The following RP1 variants were observed in gnomAD, a reference collection of about 807,000 sequenced individuals.
RP1 encodes RP1 axonemal microtubule associated, also known as oxygen-regulated protein 1.
Under a neutral mutation model 14.8 loss-of-function variants are expected in RP1, and 16 were observed. The observed-to-expected ratio is 1.08, with a 90% CI of 0.73 to 1.65. The LOEUF (loss-of-function observed/expected upper bound fraction) is 1.65. Ranked by LOEUF, RP1 falls within the 40% of genes most tolerant of loss-of-function variation. RP1 has a pLI of 0.00. For synonymous variants in RP1, 876 were observed against 883.6 expected, an observed-to-expected ratio of 0.99 and a Z score of 0.15; for missense variants, 2,631 against 2,535.0, an observed-to-expected ratio of 1.04 and a Z score of -0.81.
chr8:54,870,095 T>C (rs2129331212), exon 29 of RP1: 2 of 395,772 alleles, frequency 5.1e-6, no homozygotes, highest in Non-Finnish European at 8.8e-6. Context: ...ACTTCCAAAA[T>C]TGGGAGGATG....
At chr8:54,746,187 G>A (rs910490155) in intron 19 of RP1, among the ~76,000 whole-genome samples, 13 of 152,110 alleles carry the variant, frequency 8.5e-5, no homozygotes, top group Non-Finnish European at 1.3e-4. Context: ...GGGGGAAGCC[G>A]TTGTTTCTAA....
intron 1 of RP1, among the ~76,000 whole-genome samples, chr8:54,569,269 A>C (rs761425896): frequency 6.6e-6 from 1 of 152,236 alleles, no homozygotes; most frequent in Non-Finnish European, 1.5e-5. Context: ...AGGCCTTCTC[A>C]GTGAATTGGT....
chr8:54,686,453 G>A (rs1807565258), intron 12 of RP1, among the ~76,000 whole-genome samples: 1 of 151,166 alleles, frequency 6.6e-6, no homozygotes, highest in African/African-American at 2.4e-5. Context: ...TGTGAATTTA[G>A]TTTTTTCCAT....
At chr8:54,675,501 G>A (rs985083365) in intron 8 of RP1, among the ~76,000 whole-genome samples, 2 of 152,132 alleles carry the variant, frequency 1.3e-5, no homozygotes, top group African/African-American at 4.8e-5. Flanking sequence ...TTTGTAGATA[G>A]GGAAGCACTT....
chr8:54,720,166 AGAACTT>A, exon 16 of RP1: 3 of 1,535,244 alleles, frequency 2.0e-6, no homozygotes, highest in Non-Finnish European at 2.6e-6. Flanking sequence ...AAAATTAAGA[AGAACTT>A]GAAGAATGCA....
chr8:54,602,287 T>C (rs999603844), intron 1 of RP1, among the ~76,000 whole-genome samples: 22 of 152,108 alleles, frequency 1.4e-4, no homozygotes, highest in Non-Finnish European at 2.6e-4. Flanking sequence ...ACATGCGGTG[T>C]TTGGTTTTTT....
intron 24 of RP1, among the ~76,000 whole-genome samples, chr8:54,791,757 CA>C (rs773437271): frequency 2.0e-5 from 3 of 151,652 alleles, no homozygotes; most frequent in Non-Finnish European, 2.9e-5. Flanking sequence ...AATACCAACA[CA>C]AAAGTCATCA....
At chr8:54,849,560 G>A (rs1812010278) in intron 25 of RP1, among the ~76,000 whole-genome samples, 1 of 152,150 alleles carries the variant, frequency 6.6e-6, no homozygotes, top group Non-Finnish European at 1.5e-5. Flanking sequence ...CAGGGATTAA[G>A]GATACTATTT....
intron 24 of RP1, among the ~76,000 whole-genome samples, chr8:54,825,426 A>T (rs1330627535): frequency 6.6e-6 from 1 of 152,220 alleles, no homozygotes; most frequent in Admixed American, 6.5e-5. Context: ...TTGTGTCTTT[A>T]GACATAAAAA....
chr8:54,830,464 A>G (rs10958431), intron 24 of RP1, among the ~76,000 whole-genome samples: 45,277 of 151,796 alleles, frequency 0.3, 7,026 homozygotes, highest in South Asian at 0.37. Flanking sequence ...TTCTAGTGAC[A>G]TTTCTATTCT....
intron 19 of RP1, among the ~76,000 whole-genome samples, chr8:54,745,197 T>A (rs200087754): frequency 6.6e-6 from 1 of 152,188 alleles, no homozygotes; most frequent in Non-Finnish European, 1.5e-5. Flanking sequence ...ATCCATTAAG[T>A]TGTCATTGTA....
At chr8:54,634,670 C>G (rs939009971), downstream of RP1, among the ~76,000 whole-genome samples, 27 of 152,092 alleles carry the variant, frequency 1.8e-4, no homozygotes, top group African/African-American at 6.5e-4. Flanking sequence ...GAAAATTAAG[C>G]AACAAAACAG....
intron 24 of RP1, among the ~76,000 whole-genome samples, chr8:54,805,982 A>C (rs1810841474): frequency 6.6e-6 from 1 of 151,732 alleles, no homozygotes; most frequent in African/African-American, 2.4e-5. Context: ...GAAGGTAATA[A>C]ATTTATTGTC....
chr8:54,841,285 C>T (rs922512189), intron 25 of RP1, among the ~76,000 whole-genome samples: 1 of 152,128 alleles, frequency 6.6e-6, no homozygotes, highest in African/African-American at 2.4e-5. Flanking sequence ...CTCTAGCTGA[C>T]CATGGGAAAA....
intron 12 of RP1, chr8:54,696,830 C>A: frequency 1.3e-6 from 1 of 742,950 alleles, no homozygotes; most frequent in East Asian, 2.5e-5. Context: ...ATTTCCAAAT[C>A]TGAAGTCTGT....
At chr8:54,598,085 G>A (rs1326336582) in intron 1 of RP1, among the ~76,000 whole-genome samples, 1 of 151,982 alleles carries the variant, frequency 6.6e-6, no homozygotes, top group Non-Finnish European at 1.5e-5. Context: ...GACATTTTGA[G>A]AATATTATAT....
At chr8:54,792,460 C>T (rs756450208) in intron 24 of RP1, among the ~76,000 whole-genome samples, 3 of 151,696 alleles carry the variant, frequency 2.0e-5, no homozygotes, top group East Asian at 1.9e-4. Context: ...TGTTAGGACA[C>T]AAAACAAGTC....
At chr8:54,744,934 G>A (rs1287368595) in intron 19 of RP1, among the ~76,000 whole-genome samples, 4 of 152,132 alleles carry the variant, frequency 2.6e-5, no homozygotes, top group African/African-American at 9.7e-5. Flanking sequence ...GTGTGTCAGG[G>A]TGGGAGAGAG....
At chr8:54,585,194 C>T (rs541526173) in intron 1 of RP1, among the ~76,000 whole-genome samples, 2 of 152,176 alleles carry the variant, frequency 1.3e-5, no homozygotes, top group Non-Finnish European at 2.9e-5. Flanking sequence ...CAGGCCTGGT[C>T]ATGAGAAAAT....
Sources: allele counts gnomAD v4.1 joint callset (sites outside exome capture counted in the v4.1 genomes callset), GRCh38; gene constraint gnomAD v4.1.1; transcripts MANE v1.5; gene names NCBI Gene and HGNC (gene_info 2026-07-23, HGNC 2026-07-21).